The following LMO1 variants were observed in gnomAD, a reference collection of about 807,000 sequenced individuals.
LMO1 encodes the protein LIM domain only 1, also known as rhombotin-1.
LMO1 carries 10 observed loss-of-function variants against 18.0 expected under a neutral mutation model. The ratio of observed to expected loss-of-function variants is 0.55; its 90% CI spans 0.34 to 0.94. The LOEUF is 0.94. Ranked by LOEUF, LMO1 falls within the 40% of genes least tolerant of loss-of-function variation. The pLI is 0.02. For missense variants in LMO1, 183 were observed against 205.7 expected, an observed-to-expected ratio of 0.89 and a Z score of 0.68; for synonymous variants, 77 against 77.9, an observed-to-expected ratio of 0.99 and a Z score of 0.06.
At chr11:8,232,687 C>T (rs534442245) in intron 1 of LMO1, among the ~76,000 whole-genome samples, 145 of 152,306 alleles carry the variant, frequency 9.5e-4, no homozygotes, top group African/African-American at 3.3e-3. Context: ...GGCCTGGCTC[C>T]CTTCCCAGTG....
At chr11:8,237,626 C>T (rs1411993573) in intron 1 of LMO1, among the ~76,000 whole-genome samples, 1 of 152,262 alleles carries the variant, frequency 6.6e-6, no homozygotes, top group Non-Finnish European at 1.5e-5. Flanking sequence ...TTGCAGGCAG[C>T]GTGTTCACTG....
At chr11:8,251,717 G>A (rs1846996478) in intron 1 of LMO1, among the ~76,000 whole-genome samples, 1 of 151,556 alleles carries the variant, frequency 6.6e-6, no homozygotes, top group Admixed American at 6.6e-5. Context: ...GCAGGTAGGT[G>A]TGCGTGTGGT....
intron 1 of LMO1, among the ~76,000 whole-genome samples, chr11:8,242,227 C>T (rs970178923): frequency 6.6e-6 from 1 of 152,202 alleles, no homozygotes; most frequent in African/African-American, 2.4e-5. Context: ...CAAATATAAA[C>T]CCTTTATCCT....
At chr11:8,243,326 G>A (rs1034832316) in intron 1 of LMO1, among the ~76,000 whole-genome samples, 1 of 152,230 alleles carries the variant, frequency 6.6e-6, no homozygotes, top group African/African-American at 2.4e-5. Flanking sequence ...ATCCGTAGAT[G>A]AAGCTGTTTA....
intron 3 of LMO1, among the ~76,000 whole-genome samples, chr11:8,226,026 C>A (rs1952533392): frequency 6.6e-6 from 1 of 152,194 alleles, no homozygotes; most frequent in South Asian, 2.1e-4. Context: ...ATAGGCTGGG[C>A]TGGAACCAGA....
intron 3 of LMO1, among the ~76,000 whole-genome samples, chr11:8,225,892 C>A (rs569291794): frequency 6.6e-6 from 1 of 152,334 alleles, no homozygotes; most frequent in East Asian, 1.9e-4. Context: ...GACCTGGGGG[C>A]TCCTGAGAAG....
chr11:8,236,002 T>A (rs1042913531), intron 1 of LMO1, among the ~76,000 whole-genome samples: 1 of 152,206 alleles, frequency 6.6e-6, no homozygotes, highest in African/African-American at 2.4e-5. Context: ...CTGGCCATAG[T>A]CCAGCTCCAC....
intron 1 of LMO1, among the ~76,000 whole-genome samples, chr11:8,234,497 C>G (rs1952726980): frequency 6.6e-6 from 1 of 152,200 alleles, no homozygotes; most frequent in South Asian, 2.1e-4. Flanking sequence ...CTGCCAAGCC[C>G]ACAGGCTCCA....
chr11:8,240,447 G>T (rs1846764863), intron 1 of LMO1, among the ~76,000 whole-genome samples: 1 of 152,192 alleles, frequency 6.6e-6, no homozygotes, highest in South Asian at 2.1e-4. Context: ...AACAGCCTAA[G>T]GGGACTGTCT....
intron 1 of LMO1, among the ~76,000 whole-genome samples, chr11:8,237,059 T>C (rs1182516721): frequency 1.3e-5 from 2 of 152,096 alleles, no homozygotes; most frequent in Admixed American, 1.3e-4. Context: ...TGGAAGAGCA[T>C]GAACCCTCTA....
At chr11:8,246,240 G>A (rs897352518) in intron 1 of LMO1, among the ~76,000 whole-genome samples, 2 of 152,120 alleles carry the variant, frequency 1.3e-5, no homozygotes, top group African/African-American at 4.8e-5. Context: ...ATTTGTACAT[G>A]AACGTTCCTA....
chr11:8,253,490 T>A (rs1370317774), intron 1 of LMO1, among the ~76,000 whole-genome samples: 4 of 152,176 alleles, frequency 2.6e-5, no homozygotes, highest in Non-Finnish European at 4.4e-5. Context: ...GAGGCAGGAT[T>A]TGAACCCGTG....
At chr11:8,254,830 A>G (rs1225383182) in intron 1 of LMO1, among the ~76,000 whole-genome samples, 1 of 152,242 alleles carries the variant, frequency 6.6e-6, no homozygotes, top group Non-Finnish European at 1.5e-5. Flanking sequence ...CTGACTCTGC[A>G]GTCAGCCTGC....
chr11:8,224,736 CGA>C lies in LMO1; in HGVS notation c.366-17_366-16del. On this transcript the variant is annotated splice_polypyrimidine_tract_variant and intron_variant, in intron 3 of 3. Transcript: ENST00000335790. ...CCACACAAAATCTAGAAAATCCAAG[CGA>C]GAGAGAGAAGCCATGGGAAGGTCCC... 3 of 1,553,460 alleles carry C rather than the reference CGA, an allele frequency of 1.9e-6. No homozygotes were observed. The highest frequency in any genetic ancestry group is 1.8e-6 in the Non-Finnish European group (2 of 1,138,604).
chr11:8,255,907 G>A (rs1363562417), intron 1 of LMO1, among the ~76,000 whole-genome samples: 1 of 135,784 alleles, frequency 7.4e-6, no homozygotes, highest in Non-Finnish European at 1.5e-5. Context: ...CTCACTGCAA[G>A]CTCCACCTCC....
chr11:8,253,916 A>G (rs984666161), intron 1 of LMO1, among the ~76,000 whole-genome samples: 1 of 152,190 alleles, frequency 6.6e-6, no homozygotes, highest in Non-Finnish European at 1.5e-5. Flanking sequence ...GCACCCAGTG[A>G]GGGCCGACAG....
chr11:8,231,520 G>A (rs765804536), intron 1 of LMO1, among the ~76,000 whole-genome samples: 69 of 152,350 alleles, frequency 4.5e-4, no homozygotes, highest in Non-Finnish European at 7.8e-4. Flanking sequence ...CGTGAGGCTG[G>A]GAGGGAAGTG....
chr11:8,265,477 CGCT>C (rs140821670), upstream of LMO1, among the ~76,000 whole-genome samples: 9,631 of 152,254 alleles, frequency 0.063, 392 homozygotes, highest in Non-Finnish European at 0.093. Flanking sequence ...AACAGAAAAG[CGCT>C]GCTTCTAATG....
At position 8,224,573 on chromosome 11, in the gene LMO1, G is replaced by A; in HGVS notation, c.*43C>T. On this transcript the variant is annotated 3_prime_UTR_variant, in exon 4 of 4. Transcript: ENST00000335790. The stretch of plus-strand genomic sequence containing the variant: ...GCTGGCCGGCCAGGCAGGTGGGCAG[G>A]CGGGCAGATGGACAGACGGGCCTGG... 7.8e-7 allele frequency: 1 copy of A among 1,285,864 alleles called. No individual in the cohort carries two copies. Among genetic ancestry groups the A allele is most frequent in the Non-Finnish European group, 1.1e-6 (1 of 907,898 alleles). 79.7% of individuals were successfully genotyped at this position (1,285,864 alleles called of 1,614,324 possible).
Sources: gnomAD v4.1 joint callset for allele counts (sites outside exome capture counted in the v4.1 genomes callset) on GRCh38, gnomAD v4.1.1 for gene constraint, MANE v1.5 for transcripts, NCBI Gene and HGNC (gene_info 2026-07-23, HGNC 2026-07-21) for gene names.